NSD1: variants seen among roughly 807,000 people sequenced by gnomAD.
NSD1 encodes the protein nuclear receptor binding SET domain protein 1.
Under a neutral mutation model 242.7 loss-of-function variants are expected in NSD1, and 26 were observed. That is an observed-to-expected ratio of 0.11 (90% CI 0.08 to 0.15). The LOEUF is 0.15. Among genes scored for constraint, NSD1 ranks in the 10% least tolerant of loss-of-function variants. NSD1 has a pLI of 1.00. For synonymous variants in NSD1, 1,106 were observed against 1,178.1 expected, an observed-to-expected ratio of 0.94 and a Z score of 1.25; for missense variants, 2,495 against 3,272.8, an observed-to-expected ratio of 0.76 and a Z score of 5.80.
intron 12 of NSD1, among the ~76,000 whole-genome samples, chr5:177,253,261 A>G (rs1756153358): frequency 6.6e-6 from 1 of 152,228 alleles, no homozygotes; most frequent in Non-Finnish European, 1.5e-5. Context: ...GGAGGATATT[A>G]TAGGGTCAAG....
At position 177,239,810 on chromosome 5, in the gene NSD1, A is replaced by G. The variant is rs761300317; in HGVS notation, c.4247A>G (p.Asn1416Ser). Residue 1416 changes from asparagine (N) to serine (S), a missense_variant, in exon 8 of 23, where the codon AAT (asparagine) becomes AGT (serine). Asn to Ser is a conservative substitution (Grantham distance 46, BLOSUM62 1). Coordinates refer to ENST00000439151, the MANE Select transcript of NSD1 (RefSeq NM_022455.5). ...CCAACTAAGAAACTTCTTGAATCCA[A>G]TGATTTAGACCCTGGATTTATGCCC... ...RKPTKKLLES[N>S]DLDPGFMPKK... 14 of 1,613,494 alleles carry G rather than the reference A, an allele frequency of 8.7e-6. No homozygotes were observed. The highest frequency in any genetic ancestry group is 2.2e-5 in the East Asian group (1 of 44,830).
At position 177,269,342 on chromosome 5, in the gene NSD1, T is replaced by C. The variant is rs1253935704; in HGVS notation, c.5304-260T>C. Among the ~76,000 whole-genome samples, 1 of 152,228 alleles carries C rather than the reference T, an allele frequency of 6.6e-6. No individual in the cohort carries two copies. Among genetic ancestry groups the C allele is most frequent in the Non-Finnish European group, 1.5e-5 (1 of 68,032 alleles). ...TCATAACTCTCTGTTCCTATATCAT[T>C]ATTTCCTTTAAGTAGAATCCTTGAA... On this transcript the variant is annotated intron_variant, in intron 15 of 22. Transcript: ENST00000439151. The surrounding 1 kb of genome is among the most constrained non-coding windows in gnomAD (Gnocchi z 5.1).
Position 177,209,738 on chromosome 5 carries a change from A to T in NSD1, c.1339A>T (p.Ile447Phe). 6.2e-7 allele frequency: 1 copy of T among 1,614,160 alleles called. No homozygotes were observed. The highest frequency in any genetic ancestry group is 8.5e-7 in the Non-Finnish European group (1 of 1,180,024). Residue 447 changes from isoleucine to phenylalanine, a missense_variant, in exon 5 of 23, where the codon ATC (isoleucine) becomes TTC (phenylalanine). By Grantham distance (21) the Ile-to-Phe change is conservative. Coordinates refer to ENST00000439151, the MANE Select transcript of NSD1 (RefSeq NM_022455.5). The part of the protein sequence containing the change: ...SKNRKCIPGS[I>F]KLDSEEDMPF... ...GAACCGAAAATGTATTCCTGGTTCA[A>T]TCAAGTTGGACAGTGAAGAAGATAT...
At chr5:177,290,067 A>G (rs967616599) in intron 21 of NSD1, among the ~76,000 whole-genome samples, 8 of 151,530 alleles carry the variant, frequency 5.3e-5, no homozygotes, top group Non-Finnish European at 1.2e-4. Flanking sequence ...TGACCTCGTG[A>G]TCCGCCCGCC....
At chr5:177,275,916 GTTTTGTTC>G (rs1351625580) in intron 17 of NSD1, among the ~76,000 whole-genome samples, 1 of 152,188 alleles carries the variant, frequency 6.6e-6, no homozygotes, top group African/African-American at 2.4e-5. Context: ...GACAGAATCA[GTTTTGTTC>G]TTTGTTTGTT....
At chr5:177,167,691 C>T (rs1759326755) in intron 2 of NSD1, among the ~76,000 whole-genome samples, 1 of 152,176 alleles carries the variant, frequency 6.6e-6, no homozygotes, top group Admixed American at 6.5e-5. Context: ...TTTTATTTTC[C>T]AGTACAGATG....
intron 4 of NSD1, among the ~76,000 whole-genome samples, chr5:177,208,703 A>G (rs1050897230): frequency 2.0e-5 from 3 of 147,960 alleles, no homozygotes; most frequent in African/African-American, 5.0e-5. Flanking sequence ...ATATTCCTTA[A>G]TTAATTAATT....
In NSD1 at chr5:177,238,956, C is replaced by G. The variant is rs1765650950; in HGVS notation, c.4192+449C>G. ...ATGTGTAATGTTATATACCTGACAA[C>G]ATAGTAATTACCAGTTCATTAGAAG... On this transcript the variant is annotated intron_variant, in intron 7 of 22. Coordinates refer to ENST00000439151, the MANE Select transcript of NSD1 (RefSeq NM_022455.5). The surrounding 1 kb of genome is among the most constrained non-coding windows in gnomAD (Gnocchi z 4.6). Among the ~76,000 whole-genome samples the G allele has an allele frequency of 6.6e-6, 1 of 152,218 alleles. No homozygotes were observed.
At chr5:177,227,479 G>C (rs1581379023) in intron 5 of NSD1, among the ~76,000 whole-genome samples, 1 of 152,022 alleles carries the variant, frequency 6.6e-6, no homozygotes, top group Non-Finnish European at 1.5e-5. Flanking sequence ...TTTAGACAGA[G>C]CCTAGCACCC....
rs914016458 is a variant in NSD1, at chr5:177,238,115, G to A, written c.3922-122G>A. The A allele has an allele frequency of 9.2e-7, 1 of 1,087,372 alleles. No individual in the cohort carries two copies. The highest frequency in any genetic ancestry group is 1.6e-5 in the African/African-American group (1 of 64,036). The allele number at this position is 1,087,372 out of a possible 1,614,324, so 67.4% of individuals were successfully genotyped here. On this transcript the variant is annotated intron_variant, in intron 6 of 22. Transcript: ENST00000439151. The surrounding 1 kb of genome is among the most constrained non-coding windows in gnomAD (Gnocchi z 4.6). ...CCCTTAGCATACATAATGTCTTCAAGGTTCATCCACTTTTTGTAGCCTTTG... is the reference window on the plus strand; with the variant it reads ...CCCTTAGCATACATAATGTCTTCAAAGTTCATCCACTTTTTGTAGCCTTTG...
intron 17 of NSD1, among the ~76,000 whole-genome samples, chr5:177,274,930 C>T (rs1429623179): frequency 1.3e-5 from 2 of 151,738 alleles, no homozygotes; most frequent in Admixed American, 6.6e-5. Context: ...GACGGGGTTT[C>T]GCCGTGTTGG....
intron 2 of NSD1, among the ~76,000 whole-genome samples, chr5:177,185,807 AAATT>A (rs1761101495): frequency 1.2e-5 from 1 of 86,488 alleles, no homozygotes; most frequent in Non-Finnish European, 2.0e-5. Flanking sequence ...ATATATATAT[AAATT>A]TATATATATA....
intron 5 of NSD1, among the ~76,000 whole-genome samples, chr5:177,219,195 T>G (rs964803362): frequency 6.6e-6 from 1 of 150,462 alleles, no homozygotes; most frequent in Admixed American, 6.6e-5. Flanking sequence ...AGTTTTGTGT[T>G]TTTTTTTTTG....
chr5:177,186,058 CATATAAT>C (rs1761186702), intron 2 of NSD1, among the ~76,000 whole-genome samples: 3 of 96,590 alleles, frequency 3.1e-5, no homozygotes, highest in African/African-American at 1.2e-4. Context: ...TATAATATAA[CATATAAT>C]ATATGTTATA....
intron 13 of NSD1, among the ~76,000 whole-genome samples, chr5:177,259,253 T>A (rs1253198907): frequency 6.6e-6 from 1 of 152,252 alleles, no homozygotes; most frequent in African/African-American, 2.4e-5. Context: ...AATCAGACTG[T>A]CAGTACCTTT....
At chr5:177,256,759 C>T (rs1267150283) in intron 12 of NSD1, among the ~76,000 whole-genome samples, 192 bp from the exon 13 acceptor site, 1 of 152,122 alleles carries the variant, frequency 6.6e-6, no homozygotes, top group Non-Finnish European at 1.5e-5. Flanking sequence ...TATGTACTTT[C>T]TGTTGTATCA....
chr5:177,217,976 T>C (rs1763918352), intron 5 of NSD1, among the ~76,000 whole-genome samples: 1 of 152,082 alleles, frequency 6.6e-6, no homozygotes, highest in Non-Finnish European at 1.5e-5. Context: ...AGTGCAGTGG[T>C]GATATGGCTC....
chr5:177,269,335 A>G lies in NSD1; in HGVS notation c.5304-267A>G, dbSNP rs149497058. 1.7e-3 allele frequency among the ~76,000 whole-genome samples: 263 copies of G among 152,216 alleles called. 1 individual carries two copies. The highest frequency in any genetic ancestry group is 6.2e-3 in the African/African-American group (256 of 41,532). Reference sequence around the variant, plus strand: ...GTTATTGTCATAACTCTCTGTTCCTATATCATTATTTCCTTTAAGTAGAAT... The same window carrying G: ...GTTATTGTCATAACTCTCTGTTCCTGTATCATTATTTCCTTTAAGTAGAAT... On this transcript the variant is annotated intron_variant, in intron 15 of 22. Transcript: ENST00000439151. This position sits in a 1 kb window ranked among gnomAD's most constrained non-coding sequence, Gnocchi z 5.1.
intron 3 of NSD1, among the ~76,000 whole-genome samples, chr5:177,193,812 T>C (rs1376116612): frequency 1.3e-5 from 2 of 152,128 alleles, no homozygotes; most frequent in African/African-American, 2.4e-5. Flanking sequence ...TCTTGCTCTG[T>C]CACGTACGTT....
Sources: gnomAD v4.1 joint callset for allele counts (sites outside exome capture counted in the v4.1 genomes callset) on GRCh38, gnomAD v4.1.1 for gene constraint, Gnocchi (gnomAD v3.1) non-coding constraint, MANE v1.5 for transcripts, NCBI Gene and HGNC (gene_info 2026-07-23, HGNC 2026-07-21) for gene names.